The following ZCWPW2 variants were observed in gnomAD, a reference collection of about 807,000 sequenced individuals.
The protein encoded by ZCWPW2 is zinc finger CW-type PWWP domain protein 2.
In ZCWPW2, 45 loss-of-function variants were observed where a neutral mutation model predicts 46.6. The observed-to-expected ratio is 0.96, with a 90% CI of 0.76 to 1.24. The LOEUF (loss-of-function observed/expected upper bound fraction) is 1.24. Ranked by LOEUF, ZCWPW2 falls within the 50% of genes most tolerant of loss-of-function variation. The probability of loss-of-function intolerance (pLI) is 0.00; values close to 1 mark genes in which losing one functional copy is unlikely to be tolerated. For synonymous variants in ZCWPW2, 152 were observed against 137.1 expected, an observed-to-expected ratio of 1.11 and a Z score of -0.76; for missense variants, 429 against 403.9, an observed-to-expected ratio of 1.06 and a Z score of -0.53.
intron 2 of ZCWPW2, among the ~76,000 whole-genome samples, chr3:28,405,236 A>C (rs555837577): frequency 6.6e-6 from 1 of 152,222 alleles, no homozygotes; most frequent in South Asian, 2.1e-4. Context: ...GTGTCCCCTG[A>C]AATTGATATT....
intron 4 of ZCWPW2, among the ~76,000 whole-genome samples, chr3:28,478,111 TATG>T (rs1391983046): frequency 6.6e-6 from 1 of 152,222 alleles, no homozygotes; most frequent in Non-Finnish European, 1.5e-5. Context: ...CATGAAACCT[TATG>T]ATGTATGTAG....
intron 3 of ZCWPW2, among the ~76,000 whole-genome samples, chr3:28,430,900 G>A (rs1047071464): frequency 6.6e-6 from 1 of 152,196 alleles, no homozygotes; most frequent in Admixed American, 6.5e-5. Flanking sequence ...CCCCAGTCAT[G>A]TGGAACTGTG....
chr3:28,513,327 T>G (rs1350143300), intron 6 of ZCWPW2, among the ~76,000 whole-genome samples: 1 of 152,220 alleles, frequency 6.6e-6, no homozygotes, highest in Admixed American at 6.5e-5. Flanking sequence ...TGTTAATTAT[T>G]CGATTGGGAA....
chr3:28,500,670 T>A (rs1700117503), intron 6 of ZCWPW2, among the ~76,000 whole-genome samples: 1 of 152,178 alleles, frequency 6.6e-6, no homozygotes, highest in Non-Finnish European at 1.5e-5. Context: ...TTAGCCCAAT[T>A]AACAGGATAA....
chr3:28,409,787 G>A (rs1308984089), intron 2 of ZCWPW2, among the ~76,000 whole-genome samples: 1 of 152,010 alleles, frequency 6.6e-6, no homozygotes, highest in African/African-American at 2.4e-5. Context: ...ATACAAGTTA[G>A]GAAAGGAGAA....
chr3:28,377,181 C>G (rs1173032819), intron 1 of ZCWPW2, among the ~76,000 whole-genome samples: 1 of 151,880 alleles, frequency 6.6e-6, no homozygotes, highest in Non-Finnish European at 1.5e-5. Context: ...TTGTTTTACT[C>G]TGCAGATTCA....
At chr3:28,414,640 A>G (rs1696566072) in intron 3 of ZCWPW2, among the ~76,000 whole-genome samples, 1 of 119,352 alleles carries the variant, frequency 8.4e-6, no homozygotes, top group South Asian at 3.2e-4. Flanking sequence ...CCGGTGTGTG[A>G]TGTTCCCCTT....
rs145789799 is a variant in ZCWPW2 at position 28,368,920 on chromosome 3, T to C, written c.-134+19717T>C. 2.5e-3 allele frequency among the ~76,000 whole-genome samples: 385 copies of C among 152,288 alleles called. 1 individual carries two copies. Among genetic ancestry groups the C allele is most frequent in the African/African-American group, 8.4e-3 (349 of 41,564 alleles). On this transcript the variant is annotated intron_variant, in intron 1 of 9. Transcript: ENST00000383768. ...TCCTTTCATTCATTTGATCTTCCAT[T>C]ACTGATACCCTTTCTTCCAGTTGAT... is the stretch of plus-strand genomic sequence containing the variant.
chr3:28,480,375 T>C (rs1055438874), intron 5 of ZCWPW2, among the ~76,000 whole-genome samples: 3 of 152,132 alleles, frequency 2.0e-5, no homozygotes, highest in Non-Finnish European at 4.4e-5. Context: ...CTTTTGAAAA[T>C]TGTCTGTTTG....
intron 3 of ZCWPW2, among the ~76,000 whole-genome samples, chr3:28,434,833 A>T (rs767966540): frequency 3.3e-5 from 5 of 151,942 alleles, no homozygotes; most frequent in Non-Finnish European, 5.9e-5. Context: ...AATATCTCTT[A>T]TTGTCCCTGG....
chr3:28,369,822 G>T (rs970019017), intron 1 of ZCWPW2, among the ~76,000 whole-genome samples: 10 of 152,204 alleles, frequency 6.6e-5, no homozygotes, highest in African/African-American at 2.4e-4. Context: ...GAGCTTCCTG[G>T]CTGCTTTGTT....
chr3:28,383,938 T>G (rs915135493), intron 1 of ZCWPW2, among the ~76,000 whole-genome samples: 2 of 152,190 alleles, frequency 1.3e-5, no homozygotes, highest in Non-Finnish European at 2.9e-5. Context: ...ATTATTCATC[T>G]AAACTTAAAA....
intron 4 of ZCWPW2, among the ~76,000 whole-genome samples, chr3:28,451,041 T>C (rs1410241372): frequency 6.6e-6 from 1 of 152,162 alleles, no homozygotes; most frequent in Non-Finnish European, 1.5e-5. Context: ...TAGTGAAATA[T>C]CATCCAGAGT....
intron 9 of ZCWPW2, among the ~76,000 whole-genome samples, chr3:28,522,265 T>TA (rs1271441403): frequency 6.6e-6 from 1 of 152,016 alleles, no homozygotes; most frequent in African/African-American, 2.4e-5. Context: ...AAGTATAATT[T>TA]AAAAAAATGG....
At chr3:28,366,050 C>T (rs983411114) in intron 1 of ZCWPW2, among the ~76,000 whole-genome samples, 18 of 151,942 alleles carry the variant, frequency 1.2e-4, no homozygotes, top group East Asian at 5.8e-4. Context: ...TGGGCTGAGA[C>T]GATGGGGTTT....
intron 4 of ZCWPW2, among the ~76,000 whole-genome samples, chr3:28,478,056 T>C (rs559328318): frequency 1.5e-3 from 229 of 152,248 alleles, no homozygotes; most frequent in Non-Finnish European, 2.5e-3. Context: ...CTTACTGAGT[T>C]CTTATTATGC....
At chr3:28,519,459 A>G (rs1245233995) in intron 8 of ZCWPW2, among the ~76,000 whole-genome samples, 1 of 152,162 alleles carries the variant, frequency 6.6e-6, no homozygotes, top group African/African-American at 2.4e-5. Context: ...TATAAACTTA[A>G]AGTAGTTTTC....
At chr3:28,436,020 C>A (rs1014361944) in intron 4 of ZCWPW2, among the ~76,000 whole-genome samples, 4 of 152,024 alleles carry the variant, frequency 2.6e-5, no homozygotes, top group Admixed American at 2.6e-4. Context: ...CTTTTTGACT[C>A]TTTTTAAACT....
At chr3:28,411,540 A>G (rs1696399316) in intron 2 of ZCWPW2, among the ~76,000 whole-genome samples, 1 of 152,046 alleles carries the variant, frequency 6.6e-6, no homozygotes, top group African/African-American at 2.4e-5. Flanking sequence ...AAGACAGCAT[A>G]TGAATATTGG....
Sources: allele counts gnomAD v4.1 joint callset (sites outside exome capture counted in the v4.1 genomes callset), GRCh38; gene constraint gnomAD v4.1.1; transcripts MANE v1.5; gene names NCBI Gene and HGNC (gene_info 2026-07-23, HGNC 2026-07-21).